Variants in FAM168B observed in about 807,000 individuals in gnomAD.
FAM168B encodes myelin-associated neurite-outgrowth inhibitor.
A neutral mutation model predicts 21.8 loss-of-function variants in FAM168B; 19 were observed. The observed-to-expected ratio is 0.87, with a 90% CI of 0.61 to 1.28. The LOEUF is 1.28. FAM168B is among the 50% of genes most tolerant of loss of function. FAM168B has a pLI of 0.00. For missense variants in FAM168B, 233 were observed against 263.1 expected (o/e 0.89, Z 0.79); for synonymous variants, 126 against 104.8 (o/e 1.20, Z -1.24).
chr2:131,082,804 C>T, intron 1 of FAM168B, 147 bp from the exon 2 acceptor site: 1 of 589,192 alleles, frequency 1.7e-6, no homozygotes, highest in Non-Finnish European at 3.0e-6. Context: ...CAGCGAAGAA[C>T]AGAAAAGGGA....
chr2:131,069,765 C>T (rs1254376749), intron 3 of FAM168B, among the ~76,000 whole-genome samples: 1 of 150,364 alleles, frequency 6.7e-6, no homozygotes, highest in Admixed American at 6.6e-5. Context: ...AGTGCTGGGA[C>T]GACAGGCGTG....
intron 3 of FAM168B, among the ~76,000 whole-genome samples, chr2:131,060,074 C>G (rs928094178): frequency 6.6e-6 from 1 of 151,860 alleles, no homozygotes; most frequent in Non-Finnish European, 1.5e-5. Flanking sequence ...GTCACCCAGG[C>G]TGGAGTGCTG....
chr2:131,078,497 C>T (rs540489484), intron 2 of FAM168B, among the ~76,000 whole-genome samples: 1 of 152,124 alleles, frequency 6.6e-6, no homozygotes, highest in Non-Finnish European at 1.5e-5. Flanking sequence ...GAGAAAGGGA[C>T]AAAAACAATA....
intron 2 of FAM168B, among the ~76,000 whole-genome samples, chr2:131,076,652 T>TAAAAA (rs76726482): frequency 1.0e-5 from 1 of 96,334 alleles, no homozygotes; most frequent in African/African-American, 3.7e-5. Context: ...GACTCCGTCT[T>TAAAAA]AAAAAAAAAA....
intron 1 of FAM168B, among the ~76,000 whole-genome samples, chr2:131,091,282 T>G (rs1056098144): frequency 1.3e-5 from 2 of 151,808 alleles, no homozygotes; most frequent in East Asian, 2.0e-4. Context: ...GAGGTTGCAG[T>G]GAGCCGAGAT....
intron 3 of FAM168B, among the ~76,000 whole-genome samples, chr2:131,058,695 GAA>G (rs1267679600): frequency 6.6e-6 from 1 of 152,306 alleles, no homozygotes; most frequent in African/African-American, 2.4e-5. Context: ...TTAGGATTTG[GAA>G]AAGCAAGTTT....
chr2:131,068,184 A>T (rs1692674344), intron 3 of FAM168B, among the ~76,000 whole-genome samples: 1 of 152,084 alleles, frequency 6.6e-6, no homozygotes, highest in Admixed American at 6.6e-5. Flanking sequence ...TTTGAGACAG[A>T]GTCTCGCTCT....
chr2:131,062,299 A>C (rs1692344200), intron 3 of FAM168B, among the ~76,000 whole-genome samples: 1 of 152,208 alleles, frequency 6.6e-6, no homozygotes, highest in Non-Finnish European at 1.5e-5. Context: ...CACTGAAAAA[A>C]GGTGAAGTCC....
intron 5 of FAM168B, among the ~76,000 whole-genome samples, chr2:131,054,857 C>G (rs1573748544): frequency 6.6e-6 from 1 of 152,168 alleles, no homozygotes; most frequent in Admixed American, 6.5e-5. Flanking sequence ...AACGCAAGAC[C>G]AGCTCTCCTA....
chr2:131,075,544 G>A (rs990728329), intron 2 of FAM168B, among the ~76,000 whole-genome samples: 17 of 151,770 alleles, frequency 1.1e-4, no homozygotes, highest in Admixed American at 4.6e-4. Context: ...GCCCAGGCTG[G>A]AATGCAGTGG....
chr2:131,055,768 G>A (rs1573751394), intron 3 of FAM168B, 73 bp from the exon 4 acceptor site: 1 of 1,551,784 alleles, frequency 6.4e-7, no homozygotes, highest in South Asian at 1.2e-5. Flanking sequence ...CAGGCAGGGA[G>A]GAGCTAAGCT....
rs1691684616 is a variant in FAM168B at position 131,051,656 on chromosome 2, TAATGAAA to T, written c.*802_*808del. On this transcript the variant is annotated 3_prime_UTR_variant, in exon 7 of 7. Transcript: ENST00000389915. ...AAACATCATCTCTCTAAGAGAACTG[TAATGAAA>T]ATTTAGATAGCAGAGAAACTGCTTT... 11 of 985,348 alleles carry T rather than the reference TAATGAAA, an allele frequency of 1.1e-5. No homozygotes were observed. The highest frequency in any genetic ancestry group is 1.2e-5 in the Non-Finnish European group (10 of 829,920). The allele number at this position is 985,348 out of a possible 1,614,324, so 61.0% of individuals were successfully genotyped here. A position where few individuals can be genotyped will look rare whatever the true frequency, so the allele number is the denominator to read the frequency against.
intron 2 of FAM168B, among the ~76,000 whole-genome samples, chr2:131,073,704 T>C (rs548287059): frequency 6.6e-6 from 1 of 152,318 alleles, no homozygotes; most frequent in South Asian, 2.1e-4. Flanking sequence ...AATAAATTTC[T>C]GTTCATTATC....
intron 1 of FAM168B, among the ~76,000 whole-genome samples, chr2:131,090,512 TATACAAG>T (rs1382367435): frequency 8.6e-5 from 13 of 152,046 alleles, no homozygotes; most frequent in Non-Finnish European, 1.3e-4. Flanking sequence ...GAAACACCAA[TATACAAG>T]ATACAATACT....
rs1324804571 is a variant in FAM168B at position 131,052,977 on chromosome 2, G to C, written c.514C>G (p.Pro172Ala). 3 of 1,558,986 alleles carry C rather than the reference G, an allele frequency of 1.9e-6. No individual in the cohort carries two copies. The highest frequency in any genetic ancestry group is 2.6e-6 in the Non-Finnish European group (3 of 1,151,194). The change falls in exon 6 of 7, where the codon CCC (proline) becomes GCC (alanine). Residue 172 changes from proline (P) to alanine (A), a missense_variant. By Grantham distance (27) the Pro-to-Ala change is conservative. Coordinates refer to ENST00000389915, the MANE Select transcript of FAM168B (RefSeq NM_001009993.4). ...TACGTGGGCACAGTGACCGGGTGGG[G>C]GGCGACAGGAGTTGGGGAGTGAGCA... ...LTAHSPTPVA[P>A]HPVTVPTYRA...
At position 131,050,414 on chromosome 2, in the gene FAM168B, C is replaced by G; in HGVS notation, c.*2051G>C. On this transcript the variant is annotated 3_prime_UTR_variant, in exon 7 of 7. Transcript: ENST00000389915. ...AACCGTTAGAACCTACTAATCCTGC[C>G]AACCATCCACTAAACAGATGGAATT... 2 of 985,806 alleles carry G rather than the reference C, an allele frequency of 2.0e-6. No homozygotes were observed. The highest frequency in any genetic ancestry group is 5.2e-4 in the Middle Eastern group (1 of 1,914). The allele number at this position is 985,806 out of a possible 1,614,324, so 61.1% of individuals were successfully genotyped here.
chr2:131,086,189 C>CAA (rs1440001016), intron 1 of FAM168B, among the ~76,000 whole-genome samples: 1 of 152,196 alleles, frequency 6.6e-6, no homozygotes, highest in African/African-American at 2.4e-5. Flanking sequence ...AATACTTCAC[C>CAA]TACTTCTCTG....
At position 131,051,023 on chromosome 2, in the gene FAM168B, T is replaced by C. The variant is rs868379455; in HGVS notation, c.*1442A>G. The C allele has an allele frequency of 2.1e-4, 205 of 985,484 alleles. No homozygotes were observed. Among genetic ancestry groups the C allele is most frequent in the African/African-American group, 1.6e-3 (93 of 57,358 alleles). The allele number at this position is 985,484 out of a possible 1,614,324, so 61.0% of individuals were successfully genotyped here. ...TGGAGGGAAGCCTTTTCATTTCTTA[T>C]GTACAAGATTCAGATCCTAAACTCA... On this transcript the variant is annotated 3_prime_UTR_variant, in exon 7 of 7. Coordinates refer to ENST00000389915, the MANE Select transcript of FAM168B (RefSeq NM_001009993.4).
chr2:131,077,234 A>G (rs1038117377), intron 2 of FAM168B, among the ~76,000 whole-genome samples: 1 of 150,168 alleles, frequency 6.7e-6, no homozygotes, highest in Non-Finnish European at 1.5e-5. Context: ...AAAAAAAAAG[A>G]ACAAGGCAAA....
Sources: gnomAD v4.1 joint callset for allele counts (sites outside exome capture counted in the v4.1 genomes callset) on GRCh38, gnomAD v4.1.1 for gene constraint, MANE v1.5 for transcripts, NCBI Gene and HGNC (gene_info 2026-07-23, HGNC 2026-07-21) for gene names.